IPO11: variants seen among roughly 807,000 people sequenced by gnomAD.
IPO11 encodes importin 11, also known as importin-11.
A neutral mutation model predicts 143.2 loss-of-function variants in IPO11; 66 were observed. That is an observed-to-expected ratio of 0.46 (90% CI 0.38 to 0.57). The LOEUF is 0.57. Among genes scored for constraint, IPO11 ranks in the 20% least tolerant of loss-of-function variants. The probability of loss-of-function intolerance (pLI) is 0.00; values close to 1 mark genes in which losing one functional copy is unlikely to be tolerated. For synonymous variants in IPO11, 385 were observed against 377.8 expected (o/e 1.02, Z -0.22); for missense variants, 1,026 against 1,141.0 (o/e 0.90, Z 1.45).
chr5:62,586,851 A>G (rs868765425), intron 27 of IPO11, among the ~76,000 whole-genome samples: 2 of 144,582 alleles, frequency 1.4e-5, no homozygotes, highest in African/African-American at 5.1e-5. Context: ...TCAGTTTCCG[A>G]TATCTACAAT....
At chr5:62,495,128 T>A (rs1337278393) in intron 16 of IPO11, among the ~76,000 whole-genome samples, 1 of 152,254 alleles carries the variant, frequency 6.6e-6, no homozygotes, top group Non-Finnish European at 1.5e-5. Flanking sequence ...CTAAGTATTA[T>A]CTGCTTTGTG....
chr5:62,453,868 C>G (rs1030056208), intron 5 of IPO11, among the ~76,000 whole-genome samples: 6 of 152,126 alleles, frequency 3.9e-5, no homozygotes, highest in African/African-American at 1.2e-4. Flanking sequence ...GGTGCGGTGG[C>G]TCATGCCTGT....
intron 26 of IPO11, among the ~76,000 whole-genome samples, chr5:62,559,371 A>C (rs1235022085): frequency 6.6e-6 from 1 of 152,278 alleles, no homozygotes; most frequent in East Asian, 1.9e-4. Flanking sequence ...TAGTGATAAC[A>C]AAATCACTGA....
At chr5:62,499,979 C>G (rs1741293771) in intron 16 of IPO11, among the ~76,000 whole-genome samples, 1 of 152,142 alleles carries the variant, frequency 6.6e-6, no homozygotes, top group Non-Finnish European at 1.5e-5. Context: ...CTGTCATCTC[C>G]TATGATAACA....
chr5:62,427,340 G>C (rs1447612485), intron 1 of IPO11, among the ~76,000 whole-genome samples: 1 of 152,164 alleles, frequency 6.6e-6, no homozygotes, highest in Admixed American at 6.5e-5. Flanking sequence ...TGTTTTAGGA[G>C]TAGGGAAGAG....
At chr5:62,488,141 G>A (rs1007732089) in intron 13 of IPO11, among the ~76,000 whole-genome samples, 1 of 151,616 alleles carries the variant, frequency 6.6e-6, no homozygotes, top group Non-Finnish European at 1.5e-5. Flanking sequence ...TCTGGAGCGT[G>A]TTGTGAGAAA....
At chr5:62,579,944 C>G (rs1744482534) in intron 27 of IPO11, 2 of 1,551,150 alleles carry the variant, frequency 1.3e-6, no homozygotes, top group Non-Finnish European at 1.7e-6. Flanking sequence ...AATCGCCTCA[C>G]TGTCCTTGGG....
chr5:62,562,558 G>A (rs1743808073), intron 27 of IPO11, among the ~76,000 whole-genome samples: 1 of 152,190 alleles, frequency 6.6e-6, no homozygotes, highest in Admixed American at 6.5e-5. Context: ...TCAGACAGGA[G>A]GCGGAGCTCA....
intron 29 of IPO11, among the ~76,000 whole-genome samples, chr5:62,623,651 T>C (rs538105425): frequency 5.0e-4 from 75 of 151,276 alleles, no homozygotes; most frequent in African/African-American, 1.5e-3. Context: ...TTTTCTTTTT[T>C]TTTTTTTTTT....
intron 29 of IPO11, among the ~76,000 whole-genome samples, chr5:62,611,824 C>G (rs945479790): frequency 4.6e-5 from 7 of 152,056 alleles, no homozygotes; most frequent in African/African-American, 9.7e-5. Flanking sequence ...TTTCCTATTT[C>G]CTGTTTTTCT....
chr5:62,597,609 ATC>A (rs1290431169), intron 28 of IPO11, among the ~76,000 whole-genome samples: 1 of 152,184 alleles, frequency 6.6e-6, no homozygotes, highest in African/African-American at 2.4e-5. Flanking sequence ...AAAGATTACA[ATC>A]TCTACACTTC....
intron 20 of IPO11, among the ~76,000 whole-genome samples, chr5:62,516,757 T>C (rs1010588970): frequency 1.7e-4 from 26 of 152,334 alleles, no homozygotes; most frequent in African/African-American, 6.3e-4. Flanking sequence ...CAATTTTAAG[T>C]GTACAGTGTA....
intron 27 of IPO11, among the ~76,000 whole-genome samples, chr5:62,561,622 A>ATGTT (rs1743776113): frequency 6.6e-6 from 1 of 152,220 alleles, no homozygotes; most frequent in Admixed American, 6.5e-5. Flanking sequence ...TTCATAAAGT[A>ATGTT]TGTTATAAAG....
intron 5 of IPO11, among the ~76,000 whole-genome samples, chr5:62,463,490 C>A (rs1280826140): frequency 6.6e-6 from 1 of 151,702 alleles, no homozygotes; most frequent in African/African-American, 2.4e-5. Context: ...ACAGTGAGAT[C>A]CTATCTCTAC....
intron 27 of IPO11, chr5:62,581,122 T>C: frequency 6.5e-7 from 1 of 1,549,914 alleles, no homozygotes; most frequent in Non-Finnish European, 8.7e-7. Flanking sequence ...ATCAGAAAAC[T>C]CAAGGGAAAA....
intron 29 of IPO11, among the ~76,000 whole-genome samples, chr5:62,616,057 A>C (rs148283045): frequency 2.6e-4 from 1 of 3,892 alleles, no homozygotes; most frequent in Non-Finnish European, 4.9e-4. Flanking sequence ...GTGGAGGGGG[A>C]GGTGGGGGAG....
chr5:62,618,272 T>C (rs1156588977), intron 29 of IPO11, among the ~76,000 whole-genome samples: 1 of 152,106 alleles, frequency 6.6e-6, no homozygotes, highest in East Asian at 1.9e-4. Context: ...GTAGATGACA[T>C]ACAACATTGA....
chr5:62,466,624 C>T (rs1745585342), intron 5 of IPO11, among the ~76,000 whole-genome samples: 2 of 152,166 alleles, frequency 1.3e-5, no homozygotes, highest in African/African-American at 4.8e-5. Context: ...TAAATATCAG[C>T]ACACTTTAGT....
intron 21 of IPO11, among the ~76,000 whole-genome samples, chr5:62,528,946 A>G (rs1362082955): frequency 6.6e-6 from 1 of 152,194 alleles, no homozygotes; most frequent in Non-Finnish European, 1.5e-5. Context: ...CTCTTGATCC[A>G]TCTCACTAGA....
Sources: allele counts gnomAD v4.1 joint callset (sites outside exome capture counted in the v4.1 genomes callset), GRCh38; gene constraint gnomAD v4.1.1; transcripts MANE v1.5; gene names NCBI Gene and HGNC (gene_info 2026-07-23, HGNC 2026-07-21).